The following ADGRF5 variants were observed in gnomAD, a reference collection of about 807,000 sequenced individuals.
ADGRF5 encodes adhesion G protein-coupled receptor F5.
ADGRF5 carries 75 observed loss-of-function variants against 132.3 expected under a neutral mutation model. The observed-to-expected ratio is 0.57, with a 90% confidence interval of 0.47 to 0.69. ADGRF5 has a LOEUF of 0.69. Ranked by LOEUF, ADGRF5 falls within the 30% of genes least tolerant of loss-of-function variation. The probability of loss-of-function intolerance (pLI) is 0.00; values close to 1 mark genes in which losing one functional copy is unlikely to be tolerated. For missense variants in ADGRF5, 1,516 were observed against 1,630.6 expected (o/e 0.93, Z 1.21); for synonymous variants, 629 against 597.6 (o/e 1.05, Z -0.77).
intron 17 of ADGRF5, 148 bp downstream of exon 17, chr6:46,857,981 G>C (rs116526184): frequency 8.1e-6 from 5 of 617,878 alleles, no homozygotes; most frequent in Non-Finnish European, 1.1e-5. Context: ...CTTTCCATCT[G>C]ATTGAGTTCT....
intron 20 of ADGRF5, 69 bp downstream of exon 20, chr6:46,855,905 G>A (rs959055127): frequency 1.4e-5 from 12 of 847,928 alleles, no homozygotes; most frequent in Non-Finnish European, 2.0e-5. Flanking sequence ...AAGAGTAGGG[G>A]TGTTGAGGCT....
At chr6:46,913,749 T>C (rs1304525213) in intron 1 of ADGRF5, among the ~76,000 whole-genome samples, 2 of 152,188 alleles carry the variant, frequency 1.3e-5, no homozygotes, top group African/African-American at 4.8e-5. Context: ...AAGTAGAAGG[T>C]GAAGGTTCTT....
chr6:46,897,521 T>C (rs1774309159), intron 3 of ADGRF5, among the ~76,000 whole-genome samples: 1 of 152,184 alleles, frequency 6.6e-6, no homozygotes, highest in Non-Finnish European at 1.5e-5. Context: ...TGTGGCATCC[T>C]GTTGAAGGTA....
At chr6:46,866,201 C>T (rs1039855718) in intron 13 of ADGRF5, among the ~76,000 whole-genome samples, 2 of 152,088 alleles carry the variant, frequency 1.3e-5, no homozygotes, top group Non-Finnish European at 1.5e-5. Context: ...ATTCAAAGCC[C>T]AAACCTGAGT....
chr6:46,907,105 G>T (rs1054959263), intron 1 of ADGRF5, among the ~76,000 whole-genome samples: 1 of 151,964 alleles, frequency 6.6e-6, no homozygotes, highest in African/African-American at 2.4e-5. Context: ...ATTCATTTTC[G>T]CTACATGCAA....
intron 3 of ADGRF5, among the ~76,000 whole-genome samples, chr6:46,896,827 C>T (rs1049155589): frequency 2.6e-5 from 4 of 151,860 alleles, no homozygotes; most frequent in East Asian, 1.9e-4. Context: ...TTGTCTATAC[C>T]GAACATGTAC....
chr6:46,897,444 A>C (rs1237737755), intron 3 of ADGRF5, among the ~76,000 whole-genome samples: 1 of 152,138 alleles, frequency 6.6e-6, no homozygotes, highest in Non-Finnish European at 1.5e-5. Flanking sequence ...GCAATCTGAA[A>C]ATCAGAGCCC....
At chr6:46,871,792 T>A in intron 11 of ADGRF5, 51 bp downstream of exon 11, 1 of 1,287,066 alleles carries the variant, frequency 7.8e-7, no homozygotes, top group Non-Finnish European at 1.1e-6. Context: ...TGGCAGCACT[T>A]ATTTAAGGTG....
Position 46,866,976 on chromosome 6 carries a change from C to T in ADGRF5, c.1783G>A (p.Asp595Asn), listed in dbSNP as rs745798801. ...TGGAAAGTAACTTTGTAGTCTCCAT[C>T]CTCCTCTATGCAGCACTTGATGTGA... is the stretch of plus-strand genomic sequence containing the variant. ...SHHIKCCIEE[D>N]GDYKVTFHTG... Residue 595 changes from aspartate to asparagine, a missense_variant, in exon 13 of 21, where the codon GAT becomes AAT. Physicochemically the swap from Asp to Asn is conservative, Grantham distance 23. Coordinates refer to ENST00000283296, the MANE Select transcript of ADGRF5 (RefSeq NM_001098518.2). 4.3e-6 allele frequency: 7 copies of T among 1,613,858 alleles called. No homozygotes were observed. The Admixed American group carries it at 6.7e-5, about 15-fold the overall frequency.
chr6:46,858,036 T>A, intron 17 of ADGRF5, 93 bp downstream of exon 17: 1 of 919,112 alleles, frequency 1.1e-6, no homozygotes, highest in Non-Finnish European at 1.6e-6. Context: ...TGGGCTGAAA[T>A]CCTTCCCCAT....
Position 46,853,784 on chromosome 6 carries a change from G to T in ADGRF5, c.*208C>A, listed in dbSNP as rs1243563063. On this transcript the variant is annotated 3_prime_UTR_variant, in exon 21 of 21. Transcript: ENST00000283296. ...ACTATACACATGTGGTATCACACAA[G>T]GGGGAGGGGGAGGGAACAAACAGAA... 2.3e-6 allele frequency: 1 copy of T among 428,234 alleles called. No individual in the cohort carries two copies. The highest frequency in any genetic ancestry group is 2.1e-5 in the African/African-American group (1 of 47,298). The allele number at this position is 428,234 out of a possible 1,614,324, so 26.5% of individuals were successfully genotyped here.
Position 46,866,969 on chromosome 6 carries a change from T to A in ADGRF5, c.1790A>T (p.Asp597Val). The change falls in exon 13 of 21, where the codon GAC (aspartate) becomes GTC (valine). Residue 597 changes from aspartate (D) to valine (V), a missense_variant. This residue lies in a region of ADGRF5 where 945 missense variants were observed against 929.4 expected (regional missense o/e 1.02). Transcript: ENST00000283296. ...HIKCCIEEDG[D>V]YKVTFHTGSS... ...ACCCGTATGGAAAGTAACTTTGTAG[T>A]CTCCATCCTCCTCTATGCAGCACTT... is the stretch of plus-strand genomic sequence containing the variant. The A allele has an allele frequency of 6.2e-7, 1 of 1,613,732 alleles. No homozygotes were observed. The highest frequency in any genetic ancestry group is 1.3e-5 in the African/African-American group (1 of 75,028).
At chr6:46,877,244 TTTC>T (rs1771789446) in intron 10 of ADGRF5, among the ~76,000 whole-genome samples, 10 of 30,122 alleles carry the variant, frequency 3.3e-4, no homozygotes, top group East Asian at 1.4e-3. Context: ...TCTTTCTTTC[TTTC>T]TTTCTTTCTT....
chr6:46,909,906 G>T (rs1443640927), intron 1 of ADGRF5, among the ~76,000 whole-genome samples: 2 of 152,038 alleles, frequency 1.3e-5, no homozygotes, highest in African/African-American at 4.8e-5. Context: ...GGGCTGAGGT[G>T]GGGAGATGGC....
chr6:46,865,435 G>A (rs1770304174), intron 13 of ADGRF5, among the ~76,000 whole-genome samples: 1 of 152,148 alleles, frequency 6.6e-6, no homozygotes. Context: ...TTGACATTCA[G>A]AATGCCTTTT....
At chr6:46,918,651 A>G (rs115046105) in intron 1 of ADGRF5, among the ~76,000 whole-genome samples, 153 of 152,352 alleles carry the variant, frequency 1.0e-3, no homozygotes, top group African/African-American at 3.5e-3. Context: ...TAGGGAGCCA[A>G]CATATCTACA....
chr6:46,878,163 A>C (rs775851483), intron 10 of ADGRF5, 39 bp downstream of exon 10: 1 of 1,396,178 alleles, frequency 7.2e-7, no homozygotes, highest in Non-Finnish European at 1.0e-6. Flanking sequence ...GCCAAGAGGC[A>C]AAAACCTATT....
intron 3 of ADGRF5, among the ~76,000 whole-genome samples, chr6:46,899,364 T>C (rs575939804): frequency 6.6e-6 from 1 of 152,182 alleles, no homozygotes; most frequent in South Asian, 2.1e-4. Context: ...AGGATCCGAT[T>C]TGTGCTTTTG....
intron 20 of ADGRF5, among the ~76,000 whole-genome samples, chr6:46,855,242 T>A (rs964220193): frequency 6.6e-6 from 1 of 152,190 alleles, no homozygotes; most frequent in Admixed American, 6.5e-5. Flanking sequence ...AATAGCAGGG[T>A]TGACTGAAGT....
Sources: gnomAD v4.1 joint callset for allele counts (sites outside exome capture counted in the v4.1 genomes callset) on GRCh38, gnomAD v4.1.1 for gene constraint, gnomAD v4.1.1 regional missense constraint, MANE v1.5 for transcripts, NCBI Gene and HGNC (gene_info 2026-07-23, HGNC 2026-07-21) for gene names.